Variants in SLC9B2 observed in about 807,000 individuals in gnomAD.
SLC9B2 encodes the protein solute carrier family 9 member B2.
SLC9B2 carries 39 observed loss-of-function variants against 52.2 expected under a neutral mutation model. That is an observed-to-expected ratio of 0.75 (90% confidence interval 0.58 to 0.98). The LOEUF (loss-of-function observed/expected upper bound fraction) is 0.98. Among genes scored for constraint, SLC9B2 ranks in the 50% least tolerant of loss-of-function variants. The pLI, the probability that SLC9B2 is intolerant of heterozygous loss-of-function variation, is 0.00. For missense variants in SLC9B2, 626 were observed against 637.5 expected, an observed-to-expected ratio of 0.98 and a Z score of 0.19; for synonymous variants, 214 against 227.0, an observed-to-expected ratio of 0.94 and a Z score of 0.51.
At chr4:103,020,250 T>G, downstream of SLC9B2, 1 of 375,326 alleles carries the variant, frequency 2.7e-6, no homozygotes, top group Non-Finnish European at 4.9e-6. Flanking sequence ...AAAACCTTTG[T>G]GAGTTTTTTT....
Position 103,031,684 on chromosome 4 carries a change from AT to A in SLC9B2, c.1255+15del. The stretch of plus-strand genomic sequence containing the variant: ...AAAAAGTGAATTTTAACAAAAGCAC[AT>A]TTTGAAATTCTTACCTACAGTTTCT... On this transcript the variant is annotated intron_variant, in intron 10 of 11. Coordinates refer to ENST00000394785, the MANE Select transcript of SLC9B2 (RefSeq NM_178833.7). 2 of 1,599,142 alleles carry A rather than the reference AT, an allele frequency of 1.3e-6. No homozygotes were observed. Among genetic ancestry groups the A allele is most frequent in the Non-Finnish European group, 1.7e-6 (2 of 1,170,422 alleles).
intron 7 of SLC9B2, among the ~76,000 whole-genome samples, chr4:103,046,328 C>T (rs1744118807): frequency 6.6e-6 from 1 of 152,136 alleles, no homozygotes; most frequent in Non-Finnish European, 1.5e-5. Flanking sequence ...TTGTGCTGTA[C>T]CACAGGATAA....
At chr4:103,069,990 T>A (rs1746471971) in intron 1 of SLC9B2, among the ~76,000 whole-genome samples, 1 of 152,260 alleles carries the variant, frequency 6.6e-6, no homozygotes, top group Admixed American at 6.5e-5. Context: ...TGGGAATTTA[T>A]ATAATTTTAC....
chr4:103,034,047 C>A (rs891280745), intron 9 of SLC9B2, among the ~76,000 whole-genome samples: 1 of 152,156 alleles, frequency 6.6e-6, no homozygotes, highest in African/African-American at 2.4e-5. Flanking sequence ...CACTACCCGA[C>A]TTCAAACTAT....
intron 6 of SLC9B2, among the ~76,000 whole-genome samples, chr4:103,047,918 G>A (rs894305376): frequency 5.3e-5 from 8 of 152,048 alleles, no homozygotes; most frequent in South Asian, 4.2e-4. Context: ...GACTACTTAG[G>A]TTGCCTAAAA....
At chr4:103,040,007 G>A (rs1382921564) in intron 9 of SLC9B2, among the ~76,000 whole-genome samples, 3 of 151,822 alleles carry the variant, frequency 2.0e-5, no homozygotes, top group Admixed American at 6.6e-5. Context: ...TTTGACCTTC[G>A]CAATATACTT....
intron 9 of SLC9B2, among the ~76,000 whole-genome samples, 185 bp downstream of exon 9, chr4:103,043,111 C>T (rs1003679341): frequency 1.3e-5 from 2 of 151,928 alleles, no homozygotes; most frequent in African/African-American, 4.8e-5. Flanking sequence ...GTAAAGACAT[C>T]AAGTTATAGA....
At chr4:103,063,477 T>C (rs542867550) in intron 3 of SLC9B2, among the ~76,000 whole-genome samples, 57 of 152,318 alleles carry the variant, frequency 3.7e-4, no homozygotes, top group African/African-American at 1.4e-3. Context: ...AGTAAACATA[T>C]GTGGGCATCC....
In SLC9B2 at chr4:103,028,779, A is replaced by G; in HGVS notation, c.1360T>C (p.Ser454Pro). The change falls in exon 11 of 12, where the codon TCT (serine) becomes CCT (proline). Residue 454 changes from serine (S) to proline (P), a missense_variant. Coordinates refer to ENST00000394785, the MANE Select transcript of SLC9B2 (RefSeq NM_178833.7). ...GTGGCCTTTGGAAGCCATGCAAAAG[A>G]AATAAATATCTTTTCTTTTAAGTTA... is the stretch of plus-strand genomic sequence containing the variant. ...GFNLKEKIFI[S>P]FAWLPKATVQ... 1 of 1,609,204 alleles carries G rather than the reference A, an allele frequency of 6.2e-7. No individual in the cohort carries two copies. Among genetic ancestry groups the G allele is most frequent in the Non-Finnish European group, 8.5e-7 (1 of 1,178,432 alleles).
chr4:103,019,946 GGGA>G, downstream of SLC9B2: 2 of 985,312 alleles, frequency 2.0e-6, no homozygotes, highest in Non-Finnish European at 2.4e-6. Flanking sequence ...AGCAGTGCTC[GGGA>G]CTGCATGTGC....
intron 4 of SLC9B2, among the ~76,000 whole-genome samples, chr4:103,051,800 A>G (rs1010437163): frequency 6.6e-6 from 1 of 152,206 alleles, no homozygotes; most frequent in Non-Finnish European, 1.5e-5. Context: ...CAAATAGGAC[A>G]CTTATACACT....
chr4:103,031,943 G>T, intron 9 of SLC9B2, 135 bp from the exon 10 acceptor site: 2 of 795,772 alleles, frequency 2.5e-6, no homozygotes, highest in Non-Finnish European at 3.9e-6. Context: ...TAAAAGGTTA[G>T]CTAGAACAGA....
intron 7 of SLC9B2, 144 bp from the exon 8 acceptor site, chr4:103,045,140 A>G: frequency 1.6e-6 from 1 of 611,720 alleles, no homozygotes; most frequent in Middle Eastern, 3.8e-4. Context: ...TAAATATGTA[A>G]GTGGAACCTA....
intron 1 of SLC9B2, among the ~76,000 whole-genome samples, chr4:103,072,826 C>T (rs1697339330): frequency 1.3e-5 from 2 of 152,104 alleles, no homozygotes; most frequent in South Asian, 4.1e-4. Context: ...GTTTGTGTCC[C>T]TCCAAAATTC....
rs1013634935 is a variant in SLC9B2, at chr4:103,025,006, A to G, written c.*1364T>C. On this transcript the variant is annotated 3_prime_UTR_variant, in exon 12 of 12. Coordinates refer to ENST00000394785, the MANE Select transcript of SLC9B2 (RefSeq NM_178833.7). ...TTTGCATGTAAGAATATGCTACTGA[A>G]TGATGGTAACATCCAACACAGTGGA... 1.3e-5 allele frequency among the ~76,000 whole-genome samples: 2 copies of G among 152,228 alleles called. No individual in the cohort carries two copies. The highest frequency in any genetic ancestry group is 2.4e-5 in the African/African-American group (1 of 41,468).
rs139264035 is a variant in SLC9B2, at chr4:103,048,103, T to G, written c.713+790A>C. 7.1e-3 allele frequency among the ~76,000 whole-genome samples: 1,079 copies of G among 152,286 alleles called. 10 individuals are homozygous for G. The highest frequency in any genetic ancestry group is 0.025 in the African/African-American group (1,022 of 41,544). ...TGCTATGTCAAATAAGGCAACAGAT[T>G]AGAAGAAAACGATATGACAGTCACA... On this transcript the variant is annotated intron_variant, in intron 6 of 11. Coordinates refer to ENST00000394785, the MANE Select transcript of SLC9B2 (RefSeq NM_178833.7).
intron 9 of SLC9B2, among the ~76,000 whole-genome samples, chr4:103,038,520 A>G (rs2110591779): frequency 6.6e-6 from 1 of 152,330 alleles, no homozygotes; most frequent in Non-Finnish European, 1.5e-5. Context: ...TATAAAGAAA[A>G]TGGAGTCATT....
chr4:103,040,567 A>C (rs72939303), intron 9 of SLC9B2, among the ~76,000 whole-genome samples: 1,883 of 152,332 alleles, frequency 0.012, 38 homozygotes, highest in African/African-American at 0.042. Context: ...AGCCCAGGGT[A>C]ATCAAGACTG....
chr4:103,057,877 G>T lies in SLC9B2; in HGVS notation c.366C>A (p.Phe122Leu). ...GGNLFGIIIL[F>L]YCAIIGGKLL... ...GTTTACCACCAATGATGGCACAATA[G>T]AATAGGATTATAATTCCAAATAGGT... Residue 122 changes from phenylalanine to leucine, a missense_variant, in exon 4 of 12, where the codon TTC becomes TTA. Physicochemically the swap from Phe to Leu is conservative, Grantham distance 22 (BLOSUM62 0). Transcript: ENST00000394785. The T allele has an allele frequency of 6.2e-7, 1 of 1,613,798 alleles. No homozygotes were observed.
Sources: allele counts gnomAD v4.1 joint callset (sites outside exome capture counted in the v4.1 genomes callset), GRCh38; gene constraint gnomAD v4.1.1; transcripts MANE v1.5; gene names NCBI Gene and HGNC (gene_info 2026-07-23, HGNC 2026-07-21).